Variants in GTF2E2 observed in about 807,000 individuals in gnomAD.
GTF2E2 encodes the protein general transcription factor IIE subunit 2.
Under a neutral mutation model 40.5 loss-of-function variants are expected in GTF2E2, and 21 were observed. The ratio of observed to expected loss-of-function variants is 0.52; its 90% CI spans 0.37 to 0.75. The LOEUF (loss-of-function observed/expected upper bound fraction) is 0.75. Among genes scored for constraint, GTF2E2 ranks in the 30% least tolerant of loss-of-function variants. GTF2E2 has a pLI of 0.00. For synonymous variants in GTF2E2, 117 were observed against 121.6 expected (o/e 0.96, Z 0.25); for missense variants, 298 against 338.4 (o/e 0.88, Z 0.94).
chr8:30,606,307 C>G (rs903164422), intron 6 of GTF2E2, among the ~76,000 whole-genome samples: 1 of 152,178 alleles, frequency 6.6e-6, no homozygotes, highest in African/African-American at 2.4e-5. Flanking sequence ...GAACCACAAG[C>G]CTGGATATCT....
rs150115206 is a variant in GTF2E2 at position 30,631,839 on chromosome 8, T to C, written c.258+3193A>G. 3.9e-3 allele frequency among the ~76,000 whole-genome samples: 590 copies of C among 152,316 alleles called. 6 individuals are homozygous for C. Among genetic ancestry groups the C allele is most frequent in the African/African-American group, 0.014 (578 of 41,578 alleles). On this transcript the variant is annotated intron_variant, in intron 3 of 7. Coordinates refer to ENST00000355904, the MANE Select transcript of GTF2E2 (RefSeq NM_002095.6). ...GGCCAGGTCTAGTGGCTCACGCCTGTAATCCCAGCACTTCAGGAGGCTGAG... is the reference window on the plus strand; with the variant it reads ...GGCCAGGTCTAGTGGCTCACGCCTGCAATCCCAGCACTTCAGGAGGCTGAG...
At chr8:30,585,649 A>C (rs1828659756) in intron 6 of GTF2E2, among the ~76,000 whole-genome samples, 1 of 152,056 alleles carries the variant, frequency 6.6e-6, no homozygotes, top group South Asian at 2.1e-4. Flanking sequence ...TAAAATTTTA[A>C]AGAAATAACC....
At chr8:30,620,744 C>G (rs1801070117) in intron 3 of GTF2E2, among the ~76,000 whole-genome samples, 1 of 148,886 alleles carries the variant, frequency 6.7e-6, no homozygotes, top group South Asian at 2.1e-4. Flanking sequence ...GCCTGGCCAA[C>G]ATGATGAAAC....
At chr8:30,657,890 C>G (rs1425815922) in intron 1 of GTF2E2, 83 bp downstream of exon 1, 1 of 152,318 alleles carries the variant, frequency 6.6e-6, no homozygotes, top group Non-Finnish European at 1.5e-5. Flanking sequence ...CGCTCAGCCT[C>G]CCGGGAGGCG....
chr8:30,596,730 A>G (rs1370170705), intron 6 of GTF2E2, among the ~76,000 whole-genome samples: 2 of 152,212 alleles, frequency 1.3e-5, no homozygotes, highest in Non-Finnish European at 2.9e-5. Context: ...TTTGTAAGAC[A>G]GCTAAGACTG....
At chr8:30,587,830 C>T (rs1235103998) in intron 6 of GTF2E2, among the ~76,000 whole-genome samples, 1 of 147,730 alleles carries the variant, frequency 6.8e-6, no homozygotes, top group African/African-American at 2.5e-5. Flanking sequence ...CAAGACCGCA[C>T]CACTGCACTC....
intron 2 of GTF2E2, chr8:30,637,141 C>A (rs959027758): frequency 2.2e-6 from 1 of 446,090 alleles, no homozygotes; most frequent in Non-Finnish European, 4.5e-6. Context: ...TAATAAACAG[C>A]CTTTACACAG....
intron 2 of GTF2E2, among the ~76,000 whole-genome samples, chr8:30,636,704 A>C (rs1322454813): frequency 6.6e-6 from 1 of 152,134 alleles, no homozygotes; most frequent in Non-Finnish European, 1.5e-5. Flanking sequence ...CGTCTCTACC[A>C]AAAATACAAA....
intron 3 of GTF2E2, among the ~76,000 whole-genome samples, chr8:30,626,807 CAA>C (rs1215146206): frequency 2.0e-5 from 3 of 152,162 alleles, no homozygotes; most frequent in East Asian, 1.9e-4. Flanking sequence ...GTTAGTAATC[CAA>C]AGAGTCCTAT....
At chr8:30,633,663 A>C (rs1801504075) in intron 3 of GTF2E2, among the ~76,000 whole-genome samples, 1 of 152,228 alleles carries the variant, frequency 6.6e-6, no homozygotes, top group African/African-American at 2.4e-5. Flanking sequence ...AGTAGCAAAA[A>C]CATGACACTT....
At chr8:30,653,032 T>C (rs1802334845) in intron 2 of GTF2E2, among the ~76,000 whole-genome samples, 1 of 152,088 alleles carries the variant, frequency 6.6e-6, no homozygotes, top group Non-Finnish European at 1.5e-5. Context: ...AGAAAGCAGA[T>C]TATTGGTTTT....
rs115947443 is a variant in GTF2E2, at chr8:30,651,793, G to A, written c.166+1640C>T. On this transcript the variant is annotated intron_variant, in intron 2 of 7. Transcript: ENST00000355904. ...TCTTGAAATAAAAAAGAACTAAGTT[G>A]ATGGACTTACATTTCTCAGTCTCAA... Among the ~76,000 whole-genome samples the A allele has an allele frequency of 3.4e-3, 516 of 152,280 alleles. 5 individuals carry two copies. Among genetic ancestry groups the A allele is most frequent in the African/African-American group, 0.012 (491 of 41,564 alleles).
intron 6 of GTF2E2, chr8:30,597,670 G>T (rs1285374668): frequency 6.6e-6 from 1 of 152,222 alleles, no homozygotes; most frequent in Non-Finnish European, 1.5e-5. Flanking sequence ...ATGAATTCAA[G>T]AAGATATCAG....
At chr8:30,585,535 A>C (rs1828655215) in intron 6 of GTF2E2, among the ~76,000 whole-genome samples, 1 of 152,130 alleles carries the variant, frequency 6.6e-6, no homozygotes, top group Admixed American at 6.6e-5. Context: ...AGGTATCCCC[A>C]GAGAAAAGAA....
intron 1 of GTF2E2, among the ~76,000 whole-genome samples, chr8:30,654,210 C>T (rs1224117427): frequency 6.6e-6 from 1 of 151,770 alleles, no homozygotes; most frequent in Non-Finnish European, 1.5e-5. Context: ...TGAAATGTGG[C>T]TAGTTAAAAT....
intron 2 of GTF2E2, among the ~76,000 whole-genome samples, chr8:30,652,300 A>C (rs1318912576): frequency 1.3e-5 from 2 of 152,202 alleles, no homozygotes; most frequent in Non-Finnish European, 2.9e-5. Flanking sequence ...TTGCTTGGAG[A>C]AAATATTTGC....
intron 2 of GTF2E2, among the ~76,000 whole-genome samples, chr8:30,650,441 G>A (rs572577988): frequency 6.6e-6 from 1 of 150,866 alleles, no homozygotes; most frequent in African/African-American, 2.4e-5. Context: ...TATAATCCCA[G>A]CACTTTGGGA....
At chr8:30,629,182 T>C (rs1236933181) in intron 3 of GTF2E2, among the ~76,000 whole-genome samples, 1 of 152,190 alleles carries the variant, frequency 6.6e-6, no homozygotes, top group Admixed American at 6.5e-5. Context: ...AGTAGAGATA[T>C]TGTCATATAA....
At chr8:30,646,916 G>C (rs557915844) in intron 2 of GTF2E2, among the ~76,000 whole-genome samples, 1 of 133,024 alleles carries the variant, frequency 7.5e-6, no homozygotes, top group East Asian at 2.4e-4. Flanking sequence ...GGAGGCAGAG[G>C]TTGCAGTGAG....
Sources: gnomAD v4.1 joint callset for allele counts (sites outside exome capture counted in the v4.1 genomes callset) on GRCh38, gnomAD v4.1.1 for gene constraint, MANE v1.5 for transcripts, NCBI Gene and HGNC (gene_info 2026-07-23, HGNC 2026-07-21) for gene names.